UBE2U: variants seen among roughly 807,000 people sequenced by gnomAD.
The protein encoded by UBE2U is ubiquitin conjugating enzyme E2 U.
Under a neutral mutation model 41.2 loss-of-function variants are expected in UBE2U, and 39 were observed. The observed-to-expected ratio is 0.95, with a 90% confidence interval of 0.73 to 1.24. The LOEUF (loss-of-function observed/expected upper bound fraction) is 1.24, where lower values mean the gene tolerates loss of function less well. UBE2U is among the 50% of genes most tolerant of loss of function. The pLI is 0.00. For synonymous variants in UBE2U, 107 were observed against 117.8 expected (o/e 0.91, Z 0.60); for missense variants, 336 against 363.1 (o/e 0.93, Z 0.61).
At chr1:64,247,615 AG>A (rs1359359300) in intron 8 of UBE2U, among the ~76,000 whole-genome samples, 1 of 152,180 alleles carries the variant, frequency 6.6e-6, no homozygotes, top group Admixed American at 6.5e-5. Context: ...CTGTAATCCC[AG>A]CACTTTGGGA....
chr1:64,233,946 A>G (rs1259022498), intron 7 of UBE2U, among the ~76,000 whole-genome samples: 3 of 152,152 alleles, frequency 2.0e-5, no homozygotes, highest in African/African-American at 7.2e-5. Flanking sequence ...CTTGATTTAC[A>G]TGATACCATA....
At chr1:64,251,835 C>G (rs960549132) in intron 8 of UBE2U, among the ~76,000 whole-genome samples, 1 of 152,162 alleles carries the variant, frequency 6.6e-6, no homozygotes, top group African/African-American at 2.4e-5. Flanking sequence ...TCCAGTGAGG[C>G]ACCAGATCCA....
At chr1:64,239,134 A>AGAGGAAGAGGAAGAGGAAGAGGAAGAG (rs1557730394) in intron 7 of UBE2U, among the ~76,000 whole-genome samples, 2,032 of 28,654 alleles carry the variant, frequency 0.071, 158 homozygotes, top group East Asian at 0.25. Flanking sequence ...AAGAAGAAGA[A>AGAGGAAGAGGAAGAGGAAGAGGAAGAG]GAAGAAGAAG....
intron 7 of UBE2U, 47 bp from the exon 8 acceptor site, chr1:64,241,605 A>G (rs770040526): frequency 1.5e-6 from 2 of 1,356,978 alleles, no homozygotes; most frequent in Non-Finnish European, 2.0e-6. Flanking sequence ...ATTAACTATT[A>G]TTAAAGAATG....
chr1:64,254,287 T>C (rs914726854), intron 8 of UBE2U, among the ~76,000 whole-genome samples: 1 of 152,140 alleles, frequency 6.6e-6, no homozygotes, highest in Non-Finnish European at 1.5e-5. Flanking sequence ...ACAAAGAGAC[T>C]TAGACTCCCA....
intron 7 of UBE2U, 141 bp downstream of exon 7, chr1:64,232,790 C>A: frequency 2.1e-6 from 1 of 478,212 alleles, no homozygotes; most frequent in Non-Finnish European, 3.6e-6. Flanking sequence ...ACTATTCATT[C>A]AACAACTATT....
chr1:64,225,549 G>A (rs564635405), intron 6 of UBE2U, among the ~76,000 whole-genome samples: 2 of 152,360 alleles, frequency 1.3e-5, no homozygotes, highest in South Asian at 2.1e-4. Context: ...TAACTGCCAT[G>A]AGGGCAATAG....
At chr1:64,210,651 G>A (rs1651606074) in intron 3 of UBE2U, 91 bp from the exon 4 acceptor site, 2 of 828,038 alleles carry the variant, frequency 2.4e-6, no homozygotes. Context: ...AGTAAATGCA[G>A]ATAATTTTTC....
intron 7 of UBE2U, among the ~76,000 whole-genome samples, chr1:64,239,172 G>GAAGAAGAA (rs1553169045): frequency 2.5e-4 from 24 of 95,702 alleles, no homozygotes; most frequent in African/African-American, 1.1e-3. Context: ...AGAAGAAGAA[G>GAAGAAGAA]AAGAAGAAGA....
chr1:64,210,532 A>G (rs1651599265), intron 3 of UBE2U, among the ~76,000 whole-genome samples: 1 of 152,220 alleles, frequency 6.6e-6, no homozygotes, highest in Non-Finnish European at 1.5e-5. Flanking sequence ...AGGATAGGAA[A>G]AACTGTAGGG....
In UBE2U at chr1:64,267,297, T is replaced by C. The variant is rs1645269427; in HGVS notation, c.*89T>C. 8.8e-7 allele frequency: 1 copy of C among 1,132,468 alleles called. No individual in the cohort carries two copies. 70.2% of individuals were successfully genotyped at this position (1,132,468 alleles called of 1,614,324 possible). A position where few individuals can be genotyped will look rare whatever the true frequency, so the allele number is the denominator to read the frequency against. On this transcript the variant is annotated 3_prime_UTR_variant, in exon 10 of 10. Transcript: ENST00000371077. ...TTTGGAAGACTCTCAGAACTTGGATTTCATTTTTTTTAAGTTGTTCTCACC... is the reference window on the plus strand; with the variant it reads ...TTTGGAAGACTCTCAGAACTTGGATCTCATTTTTTTTAAGTTGTTCTCACC...
At chr1:64,244,167 G>GT in intron 8 of UBE2U, 8 of 1,607,748 alleles carry the variant, frequency 5.0e-6, no homozygotes, top group Non-Finnish European at 5.1e-6. Context: ...TAGGGGAAGA[G>GT]CATGAGCTTC....
intron 8 of UBE2U, among the ~76,000 whole-genome samples, chr1:64,256,338 T>G (rs1338408713): frequency 6.6e-6 from 1 of 152,140 alleles, no homozygotes; most frequent in Non-Finnish European, 1.5e-5. Context: ...AGAACAAAGC[T>G]GGAGGCATCA....
At chr1:64,205,921 C>G (rs1651267832) in intron 2 of UBE2U, among the ~76,000 whole-genome samples, 2 of 151,962 alleles carry the variant, frequency 1.3e-5, no homozygotes, top group Admixed American at 1.3e-4. Context: ...TGCCATGTGT[C>G]AACATAGATG....
chr1:64,224,338 C>T (rs918815602), intron 6 of UBE2U, among the ~76,000 whole-genome samples: 4 of 152,092 alleles, frequency 2.6e-5, no homozygotes, highest in East Asian at 3.9e-4. Context: ...AACAGAATGT[C>T]CAACAAAACT....
chr1:64,213,404 C>T (rs1020591403), intron 4 of UBE2U, among the ~76,000 whole-genome samples: 10 of 152,154 alleles, frequency 6.6e-5, no homozygotes, highest in Non-Finnish European at 1.2e-4. Context: ...ACAAATGAAT[C>T]GTCCTCTAGG....
At chr1:64,239,151 A>AAGGAGAAGG (rs1644764916) in intron 7 of UBE2U, among the ~76,000 whole-genome samples, 4 of 23,824 alleles carry the variant, frequency 1.7e-4, no homozygotes, top group African/African-American at 8.8e-4. Context: ...GAAGAAGAAG[A>AAGGAGAAGG]AGAAGAAAGA....
At position 64,249,377 on chromosome 1, in the gene UBE2U, CAAAA is replaced by C. The variant is rs71584441; in HGVS notation, c.677+7662_677+7665del. On this transcript the variant is annotated intron_variant, in intron 8 of 9. Transcript: ENST00000371077. The stretch of plus-strand genomic sequence containing the variant: ...TGGGTGACAGAGTGAGACTCTGTCT[CAAAA>C]AAAAAAAAAAAAAAAAATCACCAGT... Among the ~76,000 whole-genome samples, 6 of 67,364 alleles carry C rather than the reference CAAAA, an allele frequency of 8.9e-5. No individual in the cohort carries two copies. The South Asian group carries it at 2.6e-3, about 29-fold the overall frequency. 44.2% of individuals were successfully genotyped at this position (67,364 alleles called of 152,430 possible).
At chr1:64,237,646 G>A (rs1250014057) in intron 7 of UBE2U, among the ~76,000 whole-genome samples, 1 of 152,146 alleles carries the variant, frequency 6.6e-6, no homozygotes, top group African/African-American at 2.4e-5. Context: ...TCTTCAAGGA[G>A]TTTACAGACA....
Sources: gnomAD v4.1 joint callset for allele counts (sites outside exome capture counted in the v4.1 genomes callset) on GRCh38, gnomAD v4.1.1 for gene constraint, MANE v1.5 for transcripts, NCBI Gene and HGNC (gene_info 2026-07-23, HGNC 2026-07-21) for gene names.